RIMS2: variants seen among roughly 807,000 people sequenced by gnomAD.
RIMS2 encodes regulating synaptic membrane exocytosis 2, also known as regulating synaptic membrane exocytosis protein 2.
Under a neutral mutation model 174.4 loss-of-function variants are expected in RIMS2, and 59 were observed. That is an observed-to-expected ratio of 0.34 (90% CI 0.27 to 0.42). The LOEUF is 0.42. Ranked by LOEUF, RIMS2 falls within the 10% of genes least tolerant of loss-of-function variation. The pLI, the probability that RIMS2 is intolerant of heterozygous loss-of-function variation, is 1.00. For missense variants in RIMS2, 1,620 were observed against 1,666.3 expected (o/e 0.97, Z 0.48); for synonymous variants, 606 against 572.5 (o/e 1.06, Z -0.84).
At chr8:103,732,020 G>A (rs117242424) in intron 2 of RIMS2, among the ~76,000 whole-genome samples, 4,535 of 152,298 alleles carry the variant, frequency 0.03, 73 homozygotes, top group African/African-American at 0.046. Flanking sequence ...GCATTGAAGA[G>A]TTAGGTATTT....
intron 9 of RIMS2, chr8:103,920,705 C>A (rs1031819838): frequency 1.1e-5 from 5 of 457,012 alleles, no homozygotes; most frequent in African/African-American, 1.0e-4. Context: ...TATAGGTCTT[C>A]CTGGCCTAGC....
At chr8:103,971,664 C>T (rs540198190) in intron 15 of RIMS2, among the ~76,000 whole-genome samples, 4 of 152,022 alleles carry the variant, frequency 2.6e-5, no homozygotes, top group South Asian at 2.1e-4. Context: ...CTCCACCTCC[C>T]GGGTTCAAGC....
intron 19 of RIMS2, among the ~76,000 whole-genome samples, chr8:104,223,058 T>C (rs904171991): frequency 2.6e-5 from 4 of 152,186 alleles, no homozygotes; most frequent in Non-Finnish European, 5.9e-5. Flanking sequence ...ACTGTGAACC[T>C]GAGGAAAGGG....
In RIMS2 at chr8:103,706,897, C is replaced by G. The variant is rs934070560; in HGVS notation, c.387+9601C>G. ...TTTTTTACCCAATCTCTTTGTCAGC[C>G]TCCTCTACAAGGCCAATAACTCATA... On this transcript the variant is annotated intron_variant, in intron 2 of 23. Transcript: ENST00000504942. Among the ~76,000 whole-genome samples, 9 of 152,056 alleles carry G rather than the reference C, an allele frequency of 5.9e-5. No homozygotes were observed. In the East Asian group the frequency reaches 1.5e-3, roughly 26 times the overall value.
At chr8:104,055,209 A>G (rs990964362) in intron 19 of RIMS2, among the ~76,000 whole-genome samples, 16 of 152,148 alleles carry the variant, frequency 1.1e-4, no homozygotes, top group Non-Finnish European at 2.2e-4. Flanking sequence ...AAAATATTCT[A>G]TATCATCATT....
chr8:104,060,466 CTTT>C (rs1294231948), intron 19 of RIMS2, among the ~76,000 whole-genome samples: 2 of 151,996 alleles, frequency 1.3e-5, no homozygotes, highest in Non-Finnish European at 2.9e-5. Flanking sequence ...CTCTTTTCTT[CTTT>C]ATTAGTCTTG....
In RIMS2 at chr8:104,146,046, A is replaced by G. The variant is rs143837695; in HGVS notation, c.3335-98870A>G. Among the ~76,000 whole-genome samples the G allele has an allele frequency of 4.3e-4, 65 of 151,914 alleles. 3 individuals are homozygous for G. The East Asian group carries it at 0.011, about 25-fold the overall frequency. On this transcript the variant is annotated intron_variant, in intron 19 of 23. Transcript: ENST00000504942. Reference sequence around the variant, plus strand: ...CTCTAAGTTTCAAGGAAATAAAAAGAGCATCCATCTTATAAAACTTTTAAT... The same window carrying G: ...CTCTAAGTTTCAAGGAAATAAAAAGGGCATCCATCTTATAAAACTTTTAAT...
intron 19 of RIMS2, among the ~76,000 whole-genome samples, chr8:104,118,066 G>A (rs564677455): frequency 3.9e-5 from 6 of 152,222 alleles, no homozygotes; most frequent in Admixed American, 1.3e-4. Flanking sequence ...TTTCAGCATT[G>A]CAAACAAATT....
chr8:103,611,652 C>G (rs1341228871), intron 1 of RIMS2, among the ~76,000 whole-genome samples: 1 of 151,750 alleles, frequency 6.6e-6, no homozygotes, highest in African/African-American at 2.4e-5. Context: ...CATATTGGAG[C>G]TACATTGTAT....
At chr8:103,957,076 C>T (rs1211003392) in intron 14 of RIMS2, among the ~76,000 whole-genome samples, 1 of 152,046 alleles carries the variant, frequency 6.6e-6, no homozygotes, top group Non-Finnish European at 1.5e-5. Context: ...GTTAGAATGG[C>T]GATCATTAAA....
intron 1 of RIMS2, among the ~76,000 whole-genome samples, chr8:103,649,652 T>C (rs2096412292): frequency 3.3e-5 from 5 of 151,956 alleles, no homozygotes; most frequent in Admixed American, 3.3e-4. Flanking sequence ...TTCATTCTTT[T>C]TTTTTTTTCT....
intron 19 of RIMS2, among the ~76,000 whole-genome samples, chr8:104,143,895 T>C (rs1166710393): frequency 6.6e-6 from 1 of 152,212 alleles, no homozygotes. Flanking sequence ...TTGGCATGAC[T>C]TTACATTCTT....
At chr8:103,904,730 A>T (rs1037934702) in intron 4 of RIMS2, among the ~76,000 whole-genome samples, 1 of 152,058 alleles carries the variant, frequency 6.6e-6, no homozygotes, top group Non-Finnish European at 1.5e-5. Flanking sequence ...AATCATGAAC[A>T]ATATTGGTCT....
At chr8:103,677,511 C>T (rs2096829928) in intron 1 of RIMS2, among the ~76,000 whole-genome samples, 1 of 152,222 alleles carries the variant, frequency 6.6e-6, no homozygotes, top group Admixed American at 6.5e-5. Context: ...TAGCTCAAAA[C>T]AGAAATCCAT....
chr8:103,764,126 C>T (rs1385248109), intron 2 of RIMS2, among the ~76,000 whole-genome samples: 1 of 152,190 alleles, frequency 6.6e-6, no homozygotes, highest in African/African-American at 2.4e-5. Flanking sequence ...AAGCTCTGCT[C>T]TGAAATACAT....
chr8:104,109,161 G>A (rs1000416584), intron 19 of RIMS2, among the ~76,000 whole-genome samples: 6 of 151,786 alleles, frequency 4.0e-5, no homozygotes, highest in Non-Finnish European at 4.4e-5. Context: ...GCCGGGCGTG[G>A]TGGTGAGCAC....
intron 19 of RIMS2, among the ~76,000 whole-genome samples, chr8:104,108,754 A>G (rs1471129238): frequency 6.6e-6 from 1 of 152,200 alleles, no homozygotes; most frequent in African/African-American, 2.4e-5. Flanking sequence ...GAGTAGATAT[A>G]TAGTTGTCTG....
In RIMS2 at chr8:103,910,127, C is replaced by T. The variant is rs201416049; in HGVS notation, c.1625-7C>T. 73 of 1,593,436 alleles carry T rather than the reference C, an allele frequency of 4.6e-5. No individual in the cohort carries two copies. The African/African-American group carries it at 7.7e-4, about 17-fold the overall frequency. ...CTTTACTGCACTCTTTTGTCTGACT[C>T]TCACAGGAGACATGGATTACAACTG... On this transcript the variant is annotated splice_polypyrimidine_tract_variant and splice_region_variant and intron_variant, in intron 4 of 23. Coordinates refer to ENST00000504942, the Ensembl canonical transcript of RIMS2.
rs917581044 is a variant in RIMS2, at chr8:103,711,558, A to G, written c.387+14262A>G. ...GGGTTCTATAGTAGACATTTGCCAT[A>G]TATATTCCGTGTATAAGCTAAATAT... On this transcript the variant is annotated intron_variant, in intron 2 of 23. Transcript: ENST00000504942. Among the ~76,000 whole-genome samples the G allele has an allele frequency of 3.3e-5, 5 of 152,188 alleles. No homozygotes were observed. In the East Asian group the frequency reaches 7.7e-4, roughly 23 times the overall value.
Sources: gnomAD v4.1 joint callset for allele counts (sites outside exome capture counted in the v4.1 genomes callset) on GRCh38, gnomAD v4.1.1 for gene constraint, MANE v1.5 for transcripts, NCBI Gene and HGNC (gene_info 2026-07-23, HGNC 2026-07-21) for gene names.